Variants in LRP2 observed in about 807,000 individuals in gnomAD.
LRP2 encodes the protein low-density lipoprotein receptor-related protein 2.
Under a neutral mutation model 531.0 loss-of-function variants are expected in LRP2, and 172 were observed. That is an observed-to-expected ratio of 0.32 (90% confidence interval 0.29 to 0.37). The LOEUF (loss-of-function observed/expected upper bound fraction) is 0.37, where lower values mean the gene tolerates loss of function less well. Ranked by LOEUF, LRP2 falls within the 10% of genes least tolerant of loss-of-function variation. LRP2 has a pLI of 1.00. For synonymous variants in LRP2, 1,992 were observed against 2,027.6 expected (o/e 0.98, Z 0.47); for missense variants, 5,167 against 5,868.3 (o/e 0.88, Z 3.90).
intron 4 of LRP2, among the ~76,000 whole-genome samples, chr2:169,295,173 G>A (rs2105473799): frequency 6.6e-6 from 1 of 152,338 alleles, no homozygotes; most frequent in East Asian, 1.9e-4. Flanking sequence ...CTGGCGGGTT[G>A]CAGAAAGAAA....
At chr2:169,270,083 G>A (rs190672605) in intron 16 of LRP2, among the ~76,000 whole-genome samples, 24 of 152,158 alleles carry the variant, frequency 1.6e-4, no homozygotes, top group African/African-American at 4.8e-4. Flanking sequence ...TTAGAATGGC[G>A]ATCATTAAAA....
At chr2:169,323,572 A>G (rs559100837) in intron 1 of LRP2, among the ~76,000 whole-genome samples, 1 of 152,214 alleles carries the variant, frequency 6.6e-6, no homozygotes, top group Admixed American at 6.5e-5. Context: ...TTTACTCACA[A>G]GCCCTCCAAA....
In LRP2 at chr2:169,207,163, T is replaced by A; in HGVS notation, c.6557A>T (p.Lys2186Ile). Reference protein sequence around the residue: ...INTTYRRVLLKVTVDMPRHIV... With the variant: ...INTTYRRVLLIVTVDMPRHIV... ...ATGCCTAGGCATGTCCACTGTGACT[T>A]TAAGAAGAACACGGCGGTAAGTAGT... The change falls in exon 39 of 79, where the codon AAA becomes ATA. Residue 2186 changes from lysine (K) to isoleucine (I), a missense_variant. Physicochemically the swap from Lys to Ile is moderately radical, Grantham distance 102. Around this residue, in one of 6 missense-constraint regions of LRP2, gnomAD observed 2,811 missense variants for 3,058.0 expected, o/e 0.92. Coordinates refer to ENST00000649046, the MANE Select transcript of LRP2 (RefSeq NM_004525.3). 6.2e-7 allele frequency: 1 copy of A among 1,613,598 alleles called. No individual in the cohort carries two copies. Among genetic ancestry groups the A allele is most frequent in the Non-Finnish European group, 8.5e-7 (1 of 1,179,822 alleles).
chr2:169,190,763 A>T (rs985404663), intron 48 of LRP2, among the ~76,000 whole-genome samples: 1 of 152,194 alleles, frequency 6.6e-6, no homozygotes, highest in Admixed American at 6.5e-5. Flanking sequence ...AGGAAGTCCT[A>T]CTATGTCAAA....
chr2:169,174,213 A>C, intron 55 of LRP2, 49 bp from the exon 56 acceptor site: 1 of 1,613,026 alleles, frequency 6.2e-7, no homozygotes, highest in African/African-American at 1.3e-5. Context: ...TCAAGAATGA[A>C]AGCTCCTAAT....
intron 1 of LRP2, among the ~76,000 whole-genome samples, chr2:169,350,654 G>T (rs1455016361): frequency 6.9e-6 from 1 of 145,522 alleles, no homozygotes; most frequent in Non-Finnish European, 1.5e-5. Context: ...AACCTGGGAG[G>T]CAGAGGTTGC....
At chr2:169,315,959 C>CAAAAA (rs536458606) in intron 3 of LRP2, among the ~76,000 whole-genome samples, 30 of 73,692 alleles carry the variant, frequency 4.1e-4, no homozygotes, top group African/African-American at 6.6e-4. Context: ...CCCATCTCTA[C>CAAAAA]AAAAAAAAAA....
chr2:169,191,522 A>G (rs1046358147), intron 48 of LRP2, among the ~76,000 whole-genome samples: 4 of 152,040 alleles, frequency 2.6e-5, no homozygotes, highest in African/African-American at 9.7e-5. Flanking sequence ...CCATAAAAAT[A>G]TTAAAAATTA....
intron 3 of LRP2, among the ~76,000 whole-genome samples, chr2:169,311,918 C>T (rs1684608698): frequency 6.6e-6 from 1 of 152,252 alleles, no homozygotes; most frequent in South Asian, 2.1e-4. Flanking sequence ...GGATAGTTAG[C>T]TCTTCTTGTT....
At chr2:169,197,411 T>C (rs1454260813) in intron 45 of LRP2, among the ~76,000 whole-genome samples, 2 of 152,164 alleles carry the variant, frequency 1.3e-5, no homozygotes, top group African/African-American at 2.4e-5. Flanking sequence ...AAAACAATAA[T>C]GTGATCATAT....
At position 169,140,545 on chromosome 2, in the gene LRP2, G is replaced by C. The variant is rs1187024792; in HGVS notation, c.13109C>G (p.Ala4370Gly). ...IEGSTTECDA[A>G]IELPINLPPP... ...GGGCAGGTTGATAGGCAGTTCGATG[G>C]CTGCAGGAAGGGAAAGCCATGCAGG... The change falls in exon 72 of 79, where the codon GCC (alanine) becomes GGC (glycine). Residue 4370 changes from alanine (A) to glycine (G), a missense_variant and splice_region_variant. By Grantham distance (60) the Ala-to-Gly change is moderately conservative (BLOSUM62 0). Transcript: ENST00000649046. 2 of 1,610,214 alleles carry C rather than the reference G, an allele frequency of 1.2e-6. No homozygotes were observed. The highest frequency in any genetic ancestry group is 2.2e-5 in the South Asian group (2 of 91,010).
intron 4 of LRP2, among the ~76,000 whole-genome samples, chr2:169,304,692 A>G (rs1559066461): frequency 6.6e-6 from 1 of 152,164 alleles, no homozygotes; most frequent in African/African-American, 2.4e-5. Flanking sequence ...TTCTTTGCAT[A>G]ATTTCCAGAG....
At chr2:169,323,933 T>C (rs1684974035) in intron 1 of LRP2, among the ~76,000 whole-genome samples, 1 of 151,954 alleles carries the variant, frequency 6.6e-6, no homozygotes, top group African/African-American at 2.4e-5. Flanking sequence ...AAAAACCTTT[T>C]GTTAAGAACC....
intron 17 of LRP2, among the ~76,000 whole-genome samples, chr2:169,257,682 T>C (rs934821732): frequency 5.3e-5 from 8 of 152,034 alleles, no homozygotes; most frequent in African/African-American, 1.9e-4. Flanking sequence ...CCATAAGGAA[T>C]TGATAAATTT....
intron 65 of LRP2, among the ~76,000 whole-genome samples, chr2:169,155,438 T>C (rs1466388685): frequency 6.6e-6 from 1 of 152,186 alleles, no homozygotes; most frequent in Non-Finnish European, 1.5e-5. Context: ...GAGGGTAAAA[T>C]ATGTAAGTAT....
At chr2:169,207,271 C>G (rs773107492) in intron 38 of LRP2, 21 bp from the exon 39 acceptor site, 3 of 1,552,266 alleles carry the variant, frequency 1.9e-6, no homozygotes, top group Non-Finnish European at 2.7e-6. Context: ...AATGAAAGTG[C>G]ATGCTGATCA....
chr2:169,231,828 C>G lies in LRP2; in HGVS notation c.5113G>C (p.Ala1705Pro), dbSNP rs193082017. Residue 1705 changes from alanine (A) to proline (P), a missense_variant, in exon 31 of 79, where the codon GCC becomes CCC. Physicochemically the swap from Ala to Pro is conservative, Grantham distance 27 (BLOSUM62 -1). Around this residue, in one of 6 missense-constraint regions of LRP2, gnomAD observed 2,811 missense variants for 3,058.0 expected, o/e 0.92. Coordinates refer to ENST00000649046, the MANE Select transcript of LRP2 (RefSeq NM_004525.3). ...SKQPNSVNPC[A>P]FSRCSHLCLL... Reference sequence around the variant, plus strand: ...CAGAGATGGCTGCAGCGGGAAAAGGCACATGGATTCACGGCTGCATGAGAA... The same window carrying G: ...CAGAGATGGCTGCAGCGGGAAAAGGGACATGGATTCACGGCTGCATGAGAA... 23 of 1,613,972 alleles carry G rather than the reference C, an allele frequency of 1.4e-5. 1 individual carries two copies. The highest frequency in any genetic ancestry group is 3.3e-4 in the Middle Eastern group (2 of 6,054).
intron 64 of LRP2, 53 bp downstream of exon 64, chr2:169,157,318 G>C: frequency 6.4e-7 from 1 of 1,571,398 alleles, no homozygotes; most frequent in South Asian, 1.1e-5. Context: ...AGTGGGTGGA[G>C]AACCTTAGAT....
intron 17 of LRP2, among the ~76,000 whole-genome samples, chr2:169,257,688 A>C (rs977757849): frequency 7.2e-5 from 11 of 152,074 alleles, no homozygotes; most frequent in Non-Finnish European, 1.6e-4. Flanking sequence ...GGAATTGATA[A>C]ATTTGCAGGA....
Sources: allele counts gnomAD v4.1 joint callset (sites outside exome capture counted in the v4.1 genomes callset), GRCh38; gene constraint gnomAD v4.1.1; regional missense constraint gnomAD v4.1.1; transcripts MANE v1.5; gene names NCBI Gene and HGNC (gene_info 2026-07-23, HGNC 2026-07-21).